ATXN1: variants seen among roughly 807,000 people sequenced by gnomAD.
ATXN1 encodes ataxin-1.
A neutral mutation model predicts 56.4 loss-of-function variants in ATXN1; 8 were observed. The observed-to-expected ratio is 0.14, with a 90% CI of 0.08 to 0.26. ATXN1 has a LOEUF of 0.26. Ranked by LOEUF, ATXN1 falls within the 10% of genes least tolerant of loss-of-function variation. ATXN1 has a pLI of 1.00. For synonymous variants in ATXN1, 514 were observed against 494.6 expected (o/e 1.04, Z -0.52); for missense variants, 987 against 1,106.5 (o/e 0.89, Z 1.53).
At chr6:16,537,370 C>T (rs761947717) in intron 4 of ATXN1, among the ~76,000 whole-genome samples, 2 of 152,054 alleles carry the variant, frequency 1.3e-5, no homozygotes, top group African/African-American at 2.4e-5. Context: ...CTCTGCTCAC[C>T]CTCCGAGAAG....
chr6:16,695,336 G>A (rs1759142168), intron 2 of ATXN1, among the ~76,000 whole-genome samples: 1 of 152,176 alleles, frequency 6.6e-6, no homozygotes, highest in Non-Finnish European at 1.5e-5. Context: ...AGTCTTATGA[G>A]CCAAGTCAGT....
At chr6:16,528,174 G>A (rs1042469035) in intron 4 of ATXN1, among the ~76,000 whole-genome samples, 18 of 151,824 alleles carry the variant, frequency 1.2e-4, no homozygotes, top group Admixed American at 1.2e-3. Flanking sequence ...CCTGGTGCAC[G>A]CCTGTAATCC....
chr6:16,403,537 G>C (rs1328086417), intron 6 of ATXN1, among the ~76,000 whole-genome samples: 1 of 152,184 alleles, frequency 6.6e-6, no homozygotes, highest in East Asian at 1.9e-4. Flanking sequence ...TTTTAGTAGA[G>C]ATGGGGTTTC....
chr6:16,366,092 A>C (rs1356236469), intron 6 of ATXN1, among the ~76,000 whole-genome samples: 2 of 152,196 alleles, frequency 1.3e-5, no homozygotes, highest in Non-Finnish European at 2.9e-5. Flanking sequence ...AGCAATCTTT[A>C]AAGAAACAAT....
At chr6:16,703,946 G>T (rs138767035) in intron 2 of ATXN1, among the ~76,000 whole-genome samples, 2 of 152,280 alleles carry the variant, frequency 1.3e-5, no homozygotes, top group African/African-American at 2.4e-5. Context: ...TTGAACCTGG[G>T]GGGTGGAGGT....
intron 4 of ATXN1, among the ~76,000 whole-genome samples, chr6:16,581,476 T>C (rs531226321): frequency 6.6e-6 from 1 of 151,994 alleles, no homozygotes; most frequent in South Asian, 2.1e-4. Flanking sequence ...CCTAAGGAGA[T>C]AAAAGAAATC....
intron 6 of ATXN1, among the ~76,000 whole-genome samples, chr6:16,483,166 C>T (rs1362995749): frequency 2.6e-5 from 4 of 151,920 alleles, no homozygotes; most frequent in Non-Finnish European, 1.5e-5. Context: ...TCTGAAACAT[C>T]TTCAGGGGCA....
chr6:16,653,242 C>T (rs534298215), intron 3 of ATXN1, among the ~76,000 whole-genome samples: 216 of 152,286 alleles, frequency 1.4e-3, no homozygotes, highest in African/African-American at 4.9e-3. Flanking sequence ...TCATCCAAGA[C>T]CAGGCATGCC....
At chr6:16,598,242 C>T (rs575033706) in intron 3 of ATXN1, among the ~76,000 whole-genome samples, 11 of 152,246 alleles carry the variant, frequency 7.2e-5, no homozygotes, top group East Asian at 1.9e-4. Flanking sequence ...CCTGCCGGAA[C>T]GGGTTGCCAA....
chr6:16,456,422 T>C (rs1183258141), intron 6 of ATXN1, among the ~76,000 whole-genome samples: 1 of 152,200 alleles, frequency 6.6e-6, no homozygotes, highest in Non-Finnish European at 1.5e-5. Context: ...TCAGGCTCTC[T>C]GGGAAAGGGC....
At chr6:16,497,421 G>A (rs1005745361) in intron 5 of ATXN1, among the ~76,000 whole-genome samples, 13 of 152,224 alleles carry the variant, frequency 8.5e-5, no homozygotes, top group Middle Eastern at 3.4e-3. Context: ...CTTTTAGACC[G>A]TTCTGTGGGC....
intron 2 of ATXN1, among the ~76,000 whole-genome samples, chr6:16,728,424 G>A (rs1759896133): frequency 6.6e-6 from 1 of 152,102 alleles, no homozygotes; most frequent in Non-Finnish European, 1.5e-5. Context: ...AAAGCAGGGT[G>A]GTCAGAAACA....
At chr6:16,743,387 A>T (rs1421439948) in intron 2 of ATXN1, among the ~76,000 whole-genome samples, 3 of 152,228 alleles carry the variant, frequency 2.0e-5, no homozygotes, top group Admixed American at 2.0e-4. Context: ...AAGCCAGTGG[A>T]ACAAACAGGT....
intron 2 of ATXN1, among the ~76,000 whole-genome samples, chr6:16,673,851 T>C (rs1176170171): frequency 1.3e-5 from 2 of 152,090 alleles, no homozygotes; most frequent in African/African-American, 4.8e-5. Context: ...TTCTGGCCTC[T>C]ACTCACTAGA....
chr6:16,566,314 C>T (rs1762216006), intron 4 of ATXN1, among the ~76,000 whole-genome samples: 1 of 152,052 alleles, frequency 6.6e-6, no homozygotes, highest in African/African-American at 2.4e-5. Flanking sequence ...AAACTCAGTA[C>T]CACCATGTTT....
At chr6:16,688,744 A>G (rs984573824) in intron 2 of ATXN1, among the ~76,000 whole-genome samples, 1 of 152,204 alleles carries the variant, frequency 6.6e-6, no homozygotes, top group African/African-American at 2.4e-5. Flanking sequence ...CTTATTTACA[A>G]TTGGGGCTGC....
intron 3 of ATXN1, among the ~76,000 whole-genome samples, chr6:16,634,577 C>A (rs1763561104): frequency 6.6e-6 from 1 of 152,188 alleles, no homozygotes; most frequent in Non-Finnish European, 1.5e-5. Context: ...AGTCACTCTG[C>A]ATTCCTCTCC....
intron 6 of ATXN1, among the ~76,000 whole-genome samples, chr6:16,388,386 C>G (rs1758283858): frequency 6.6e-6 from 1 of 152,154 alleles, no homozygotes; most frequent in Non-Finnish European, 1.5e-5. Flanking sequence ...CTCAAAAAAA[C>G]TGAGGATCAA....
intron 4 of ATXN1, among the ~76,000 whole-genome samples, chr6:16,524,883 T>C (rs911796669): frequency 1.3e-5 from 2 of 152,016 alleles, no homozygotes; most frequent in Admixed American, 6.6e-5. Context: ...TAAAACCCCA[T>C]CTCTACTAAA....
Sources: allele counts gnomAD v4.1 joint callset (sites outside exome capture counted in the v4.1 genomes callset), GRCh38; gene constraint gnomAD v4.1.1; transcripts MANE v1.5; gene names NCBI Gene and HGNC (gene_info 2026-07-23, HGNC 2026-07-21).